FBXL17: variants seen among roughly 807,000 people sequenced by gnomAD.
FBXL17 encodes the protein F-box and leucine rich repeat protein 17.
FBXL17 carries 22 observed loss-of-function variants against 66.2 expected under a neutral mutation model. The observed-to-expected ratio is 0.33, with a 90% CI of 0.24 to 0.47. The LOEUF (loss-of-function observed/expected upper bound fraction) is 0.47. Among genes scored for constraint, FBXL17 ranks in the 20% least tolerant of loss-of-function variants. The pLI is 1.00. For synonymous variants in FBXL17, 474 were observed against 400.5 expected (o/e 1.18, Z -2.19); for missense variants, 878 against 948.2 (o/e 0.93, Z 0.97).
chr5:108,108,582 A>G (rs1439146970), intron 6 of FBXL17, among the ~76,000 whole-genome samples: 1 of 152,192 alleles, frequency 6.6e-6, no homozygotes, highest in East Asian at 1.9e-4. Flanking sequence ...AGACATGGGT[A>G]ACAATTACTA....
intron 7 of FBXL17, among the ~76,000 whole-genome samples, chr5:107,957,284 C>T (rs573649480): frequency 6.6e-6 from 1 of 152,108 alleles, no homozygotes; most frequent in East Asian, 1.9e-4. Flanking sequence ...CTGGTTCCAC[C>T]GACTGTTCAC....
intron 7 of FBXL17, among the ~76,000 whole-genome samples, chr5:107,936,143 A>G (rs928489264): frequency 9.6e-6 from 1 of 104,666 alleles, no homozygotes; most frequent in African/African-American, 4.1e-5. Flanking sequence ...CATTTTTCTA[A>G]AGTTGTATTG....
intron 7 of FBXL17, among the ~76,000 whole-genome samples, chr5:107,973,323 C>T (rs1453516918): frequency 6.7e-6 from 1 of 149,824 alleles, no homozygotes; most frequent in African/African-American, 2.5e-5. Context: ...AATTCATAAG[C>T]TCTCTTAATT....
At chr5:108,363,279 G>A (rs1318987360) in intron 3 of FBXL17, among the ~76,000 whole-genome samples, 3 of 151,910 alleles carry the variant, frequency 2.0e-5, no homozygotes, top group East Asian at 1.9e-4. Context: ...ATATATGAAA[G>A]CCATTCTCTT....
Position 108,153,565 on chromosome 5 carries a change from T to C in FBXL17, c.1745+32552A>G, listed in dbSNP as rs545251884. Among the ~76,000 whole-genome samples the C allele has an allele frequency of 2.6e-5, 4 of 152,322 alleles. No individual in the cohort carries two copies. The East Asian group carries it at 7.7e-4, about 29-fold the overall frequency. Reference sequence around the variant, plus strand: ...ATAAGAATTTAAGATAAAGTTTTATTGTAGAGACCAGCCTTCACGTTGCTG... The same window carrying C: ...ATAAGAATTTAAGATAAAGTTTTATCGTAGAGACCAGCCTTCACGTTGCTG... On this transcript the variant is annotated intron_variant, in intron 6 of 8. Transcript: ENST00000542267.
At chr5:108,197,124 T>C (rs1046159000) in intron 5 of FBXL17, among the ~76,000 whole-genome samples, 5 of 152,214 alleles carry the variant, frequency 3.3e-5, no homozygotes, top group African/African-American at 1.2e-4. Context: ...AATCTCTTTC[T>C]TTCCTCCACA....
chr5:107,971,751 T>G (rs1752381297), intron 7 of FBXL17, among the ~76,000 whole-genome samples: 1 of 152,194 alleles, frequency 6.6e-6, no homozygotes, highest in Non-Finnish European at 1.5e-5. Context: ...GCCTGTTAGG[T>G]AGGAACAAAA....
chr5:107,993,941 C>T (rs1753367092), intron 7 of FBXL17, among the ~76,000 whole-genome samples: 1 of 152,080 alleles, frequency 6.6e-6, no homozygotes, highest in Non-Finnish European at 1.5e-5. Flanking sequence ...TATACATTCC[C>T]CTCATAGTGT....
intron 6 of FBXL17, among the ~76,000 whole-genome samples, chr5:108,036,125 T>A (rs773590161): frequency 1.3e-5 from 2 of 152,200 alleles, no homozygotes; most frequent in Non-Finnish European, 2.9e-5. Flanking sequence ...TTTTATGGAT[T>A]GAGATGACTG....
At chr5:107,961,452 T>C (rs1238149858) in intron 7 of FBXL17, among the ~76,000 whole-genome samples, 1 of 152,012 alleles carries the variant, frequency 6.6e-6, no homozygotes, top group Non-Finnish European at 1.5e-5. Flanking sequence ...GGACTCTAAC[T>C]CCTAGGCTCA....
chr5:108,025,866 T>A lies in FBXL17; in HGVS notation c.1746-4865A>T, dbSNP rs147683091. On this transcript the variant is annotated intron_variant, in intron 6 of 8. Coordinates refer to ENST00000542267, the MANE Select transcript of FBXL17 (RefSeq NM_001163315.3). ...TCATCCCCACTAATTCATACGTGGGTCATTTAAATGATAGCAGAGGTCACC... is the reference window on the plus strand; with the variant it reads ...TCATCCCCACTAATTCATACGTGGGACATTTAAATGATAGCAGAGGTCACC... Among the ~76,000 whole-genome samples, 265 of 152,188 alleles carry A rather than the reference T, an allele frequency of 1.7e-3. 1 individual carries two copies. The highest frequency in any genetic ancestry group is 2.8e-3 in the Admixed American group (43 of 15,274).
At chr5:108,334,095 A>T (rs1760262936) in intron 4 of FBXL17, among the ~76,000 whole-genome samples, 1 of 152,204 alleles carries the variant, frequency 6.6e-6, no homozygotes. Context: ...AGTGATAACA[A>T]AGTCAGAATG....
At chr5:108,365,437 A>G (rs181309238) in intron 2 of FBXL17, among the ~76,000 whole-genome samples, 1 of 152,236 alleles carries the variant, frequency 6.6e-6, no homozygotes, top group East Asian at 1.9e-4. Flanking sequence ...TGGGTTATAA[A>G]AACTCAAATG....
At chr5:108,124,701 C>G (rs754130266) in intron 6 of FBXL17, among the ~76,000 whole-genome samples, 1 of 152,016 alleles carries the variant, frequency 6.6e-6, no homozygotes, top group Non-Finnish European at 1.5e-5. Context: ...TAATTTGTAT[C>G]ATTCTCACGG....
At chr5:107,878,726 G>C (rs1748690029) in intron 8 of FBXL17, 1 of 985,320 alleles carries the variant, frequency 1.0e-6, no homozygotes. Flanking sequence ...CAACAAGCAG[G>C]CTTTTCTGTG....
At chr5:108,157,167 G>C (rs1330713571) in intron 6 of FBXL17, among the ~76,000 whole-genome samples, 1 of 145,328 alleles carries the variant, frequency 6.9e-6, no homozygotes, top group Non-Finnish European at 1.5e-5. Context: ...CCTATCTATG[G>C]CACTGAACAA....
intron 5 of FBXL17, among the ~76,000 whole-genome samples, chr5:108,195,924 G>A (rs1446729962): frequency 6.6e-6 from 1 of 152,104 alleles, no homozygotes; most frequent in Non-Finnish European, 1.5e-5. Context: ...GGGGCAGGCA[G>A]AAAAGATAGT....
At chr5:108,127,257 T>G (rs941124450) in intron 6 of FBXL17, among the ~76,000 whole-genome samples, 1 of 152,104 alleles carries the variant, frequency 6.6e-6, no homozygotes, top group African/African-American at 2.4e-5. Flanking sequence ...TAGTAGAAAT[T>G]AAGGCTATGA....
intron 3 of FBXL17, among the ~76,000 whole-genome samples, chr5:108,351,894 T>G (rs527667477): frequency 6.6e-6 from 1 of 152,338 alleles, no homozygotes; most frequent in African/African-American, 2.4e-5. Context: ...TGGTAGAACC[T>G]CAGGTTAAGA....
Sources: allele counts gnomAD v4.1 joint callset (sites outside exome capture counted in the v4.1 genomes callset), GRCh38; gene constraint gnomAD v4.1.1; transcripts MANE v1.5; gene names NCBI Gene and HGNC (gene_info 2026-07-23, HGNC 2026-07-21).